CYP2C19: variants seen among roughly 807,000 people sequenced by gnomAD.
The protein encoded by CYP2C19 is cytochrome P450 family 2 subfamily C member 19.
CYP2C19 carries 59 observed loss-of-function variants against 40.9 expected under a neutral mutation model. The ratio of observed to expected loss-of-function variants is 1.44; its 90% CI spans 1.17 to 1.79. CYP2C19 has a LOEUF of 1.79. CYP2C19 is among the 40% of genes most tolerant of loss of function. CYP2C19 has a pLI of 0.00. For synonymous variants in CYP2C19, 253 were observed against 208.7 expected (o/e 1.21, Z -1.83); for missense variants, 754 against 596.9 (o/e 1.26, Z -2.74).
At chr10:94,799,794 A>G (rs1299707873) in intron 5 of CYP2C19, among the ~76,000 whole-genome samples, 1 of 151,866 alleles carries the variant, frequency 6.6e-6, no homozygotes, top group African/African-American at 2.4e-5. Context: ...ACTTGGTTTT[A>G]TTGACTATTG....
chr10:94,817,915 A>C (rs1849035774), intron 5 of CYP2C19, among the ~76,000 whole-genome samples: 1 of 147,634 alleles, frequency 6.8e-6, no homozygotes, highest in African/African-American at 2.5e-5. Context: ...TGGGAGGCTG[A>C]GGCAGGAGAA....
At chr10:94,777,363 A>T (rs1169028944) in intron 3 of CYP2C19, among the ~76,000 whole-genome samples, 2 of 152,186 alleles carry the variant, frequency 1.3e-5, no homozygotes, top group Admixed American at 6.5e-5. Context: ...AAGCAAAAAG[A>T]ACAAAGCTGG....
intron 5 of CYP2C19, among the ~76,000 whole-genome samples, chr10:94,818,372 G>T (rs1313929386): frequency 6.6e-6 from 1 of 151,990 alleles, no homozygotes; most frequent in East Asian, 1.9e-4. Flanking sequence ...TGATGATGCG[G>T]GCTCTTTTTT....
Position 94,781,940 on chromosome 10 carries a change from G to A in CYP2C19, c.762G>A (p.Ser254=), listed in dbSNP as rs756681183. The A allele has an allele frequency of 1.8e-5, 27 of 1,512,182 alleles. No homozygotes were observed. Among genetic ancestry groups the A allele is most frequent in the Non-Finnish European group, 2.4e-5 (27 of 1,141,596 alleles). The allele number at this position is 1,512,182 out of a possible 1,614,324, so 93.7% of individuals were successfully genotyped here. ...ILEKVKEHQE[S]MDINNPRDFI... is the part of the protein sequence containing the mutation. ...AGAAAGTAAAAGAACACCAAGAATC[G>A]ATGGACATCAACAACCCTCGGGACT... is the stretch of plus-strand genomic sequence containing the variant. Residue 254 remains serine (S), a synonymous_variant, in exon 5 of 9, where the codon TCG becomes TCA. Transcript: ENST00000371321.
At chr10:94,819,026 T>G (rs1455607934) in intron 5 of CYP2C19, among the ~76,000 whole-genome samples, 1 of 148,750 alleles carries the variant, frequency 6.7e-6, no homozygotes, top group Non-Finnish European at 1.5e-5. Context: ...GAACAGAAAT[T>G]ATAACAAACT....
chr10:94,821,155 G>C (rs752675536), intron 6 of CYP2C19, among the ~76,000 whole-genome samples: 3 of 152,156 alleles, frequency 2.0e-5, no homozygotes, highest in Non-Finnish European at 2.9e-5. Context: ...AGATAACTGA[G>C]AGAAATGAAG....
intron 5 of CYP2C19, among the ~76,000 whole-genome samples, chr10:94,796,963 C>G (rs999535964): frequency 3.3e-5 from 5 of 152,080 alleles, no homozygotes; most frequent in Non-Finnish European, 7.3e-5. Flanking sequence ...TTCCTCTTTT[C>G]CTAATTGATT....
intron 1 of CYP2C19, among the ~76,000 whole-genome samples, chr10:94,772,443 G>T (rs191468137): frequency 1.5e-4 from 23 of 152,278 alleles, no homozygotes; most frequent in Admixed American, 1.2e-3. Flanking sequence ...AGCGGGACTA[G>T]CCTTGGAGAA....
intron 8 of CYP2C19, among the ~76,000 whole-genome samples, chr10:94,850,880 G>T (rs1849643243): frequency 6.6e-6 from 1 of 152,178 alleles, no homozygotes; most frequent in African/African-American, 2.4e-5. Context: ...TCTTTCCCTA[G>T]TCATGGCAAT....
At chr10:94,768,239 T>C (rs1848275366) in intron 1 of CYP2C19, among the ~76,000 whole-genome samples, 1 of 152,212 alleles carries the variant, frequency 6.6e-6, no homozygotes, top group African/African-American at 2.4e-5. Flanking sequence ...CCAGTTCTGC[T>C]AACTGGGCAC....
intron 5 of CYP2C19, among the ~76,000 whole-genome samples, chr10:94,807,463 T>C (rs1239023855): frequency 2.6e-5 from 4 of 152,108 alleles, no homozygotes; most frequent in Non-Finnish European, 5.9e-5. Flanking sequence ...TCTTCGAGGA[T>C]TCTTTATACT....
chr10:94,789,462 G>A (rs1386312491), intron 5 of CYP2C19, among the ~76,000 whole-genome samples: 4 of 151,998 alleles, frequency 2.6e-5, no homozygotes, highest in Admixed American at 2.6e-4. Context: ...TTCTTCTAGG[G>A]TTTTTATGGT....
At chr10:94,835,696 C>T (rs529184646) in intron 6 of CYP2C19, among the ~76,000 whole-genome samples, 4 of 152,212 alleles carry the variant, frequency 2.6e-5, no homozygotes, top group East Asian at 3.9e-4. Context: ...GATGTTCCCT[C>T]GGAAGTTAGG....
chr10:94,763,723 T>C (rs989045484), intron 1 of CYP2C19, among the ~76,000 whole-genome samples: 1 of 151,940 alleles, frequency 6.6e-6, no homozygotes, highest in East Asian at 1.9e-4. Context: ...TTAAGGGTCA[T>C]CACTTTCAGG....
At chr10:94,850,149 C>A (rs1383579418) in intron 8 of CYP2C19, 91 bp downstream of exon 8, 25 of 1,429,018 alleles carry the variant, frequency 1.7e-5, no homozygotes, top group Non-Finnish European at 2.2e-5. Flanking sequence ...TGCAGTGGTA[C>A]AGTTACTCTT....
intron 6 of CYP2C19, among the ~76,000 whole-genome samples, chr10:94,826,372 A>G (rs1194349456): frequency 1.3e-5 from 2 of 152,134 alleles, no homozygotes; most frequent in Non-Finnish European, 2.9e-5. Context: ...GAGGTCCTTC[A>G]CATCCCTTGT....
At position 94,781,962 on chromosome 10, in the gene CYP2C19, G is replaced by T. The variant is rs577255883; in HGVS notation, c.784G>T (p.Asp262Tyr). 1 of 1,533,230 alleles carries T rather than the reference G, an allele frequency of 6.5e-7. No individual in the cohort carries two copies. Among genetic ancestry groups the T allele is most frequent in the Non-Finnish European group, 8.7e-7 (1 of 1,149,410 alleles). The allele number at this position is 1,533,230 out of a possible 1,614,324, so 95.0% of individuals were successfully genotyped here. A position where few individuals can be genotyped will look rare whatever the true frequency, so the allele number is the denominator to read the frequency against. Residue 262 changes from aspartate (D) to tyrosine (Y), a missense_variant, in exon 5 of 9, where the codon GAC (aspartate) becomes TAC (tyrosine). By Grantham distance (160) the Asp-to-Tyr change is radical. Transcript: ENST00000371321. ...QESMDINNPR[D>Y]FIDCFLIKME... Reference sequence around the variant, plus strand: ...ATCGATGGACATCAACAACCCTCGGGACTTTATTGATTGCTTCCTGATCAA... The same window carrying T: ...ATCGATGGACATCAACAACCCTCGGTACTTTATTGATTGCTTCCTGATCAA...
intron 6 of CYP2C19, among the ~76,000 whole-genome samples, chr10:94,838,267 T>G (rs1039235983): frequency 1.3e-5 from 2 of 152,170 alleles, no homozygotes; most frequent in East Asian, 3.9e-4. Context: ...CTGTGGGGAA[T>G]CATTCTCTTT....
intron 5 of CYP2C19, among the ~76,000 whole-genome samples, chr10:94,809,828 G>A (rs1848887836): frequency 6.6e-6 from 1 of 151,976 alleles, no homozygotes; most frequent in Non-Finnish European, 1.5e-5. Context: ...ATAGTCATGT[G>A]GTTTTTCTCA....
Sources: gnomAD v4.1 joint callset for allele counts (sites outside exome capture counted in the v4.1 genomes callset) on GRCh38, gnomAD v4.1.1 for gene constraint, MANE v1.5 for transcripts, NCBI Gene and HGNC (gene_info 2026-07-23, HGNC 2026-07-21) for gene names.